The following PLD5 variants were observed in gnomAD, a reference collection of about 807,000 sequenced individuals.
The protein encoded by PLD5 is phospholipase D family member 5, also known as inactive phospholipase D5.
PLD5 carries 36 observed loss-of-function variants against 61.1 expected under a neutral mutation model. The observed-to-expected ratio is 0.59, with a 90% CI of 0.45 to 0.78. The LOEUF (loss-of-function observed/expected upper bound fraction) is 0.78, where lower values mean the gene tolerates loss of function less well. Among genes scored for constraint, PLD5 ranks in the 30% least tolerant of loss-of-function variants. The pLI, the probability that PLD5 is intolerant of heterozygous loss-of-function variation, is 0.00. For synonymous variants in PLD5, 243 were observed against 242.8 expected (o/e 1.00, Z -0.01); for missense variants, 515 against 644.4 (o/e 0.80, Z 2.17).
chr1:242,478,582 G>T (rs1460799345), intron 1 of PLD5, among the ~76,000 whole-genome samples: 2 of 152,082 alleles, frequency 1.3e-5, no homozygotes, highest in Admixed American at 1.3e-4. Context: ...GTCTTGAAAA[G>T]GTTCAAGCTT....
upstream of PLD5, among the ~76,000 whole-genome samples, chr1:242,526,130 G>T (rs913410970): frequency 6.6e-6 from 1 of 152,196 alleles, no homozygotes; most frequent in Non-Finnish European, 1.5e-5. Context: ...AGGCCAGGCG[G>T]AGTGGCTCAG....
chr1:242,159,532 G>GTGTT (rs1665658316), intron 5 of PLD5, among the ~76,000 whole-genome samples: 1 of 152,152 alleles, frequency 6.6e-6, no homozygotes, highest in African/African-American at 2.4e-5. Flanking sequence ...GGCAGCCACT[G>GTGTT]TGTTTATGGT....
At chr1:242,281,398 A>C (rs940141818) in intron 3 of PLD5, among the ~76,000 whole-genome samples, 2 of 152,146 alleles carry the variant, frequency 1.3e-5, no homozygotes, top group African/African-American at 4.8e-5. Context: ...GAATGTTGCC[A>C]GGTCATATGG....
intron 6 of PLD5, among the ~76,000 whole-genome samples, chr1:242,116,709 C>T (rs1661973045): frequency 6.6e-6 from 1 of 152,174 alleles, no homozygotes; most frequent in African/African-American, 2.4e-5. Flanking sequence ...ATAATGGCCC[C>T]TAGCTGCACC....
chr1:242,163,325 A>G (rs759605989), intron 5 of PLD5, among the ~76,000 whole-genome samples: 3 of 151,514 alleles, frequency 2.0e-5, no homozygotes, highest in Non-Finnish European at 4.4e-5. Context: ...TTGTATTTTT[A>G]GCACAGACGG....
At chr1:242,483,500 A>T (rs1667854756) in intron 1 of PLD5, among the ~76,000 whole-genome samples, 1 of 152,236 alleles carries the variant, frequency 6.6e-6, no homozygotes, top group South Asian at 2.1e-4. Flanking sequence ...ATTCAACAAG[A>T]AGAGCTAACT....
intron 1 of PLD5, among the ~76,000 whole-genome samples, chr1:242,522,917 A>C (rs1669324684): frequency 6.6e-6 from 1 of 152,168 alleles, no homozygotes; most frequent in Non-Finnish European, 1.5e-5. Flanking sequence ...CAGTGACTTC[A>C]TCAGGCCCTC....
intron 5 of PLD5, among the ~76,000 whole-genome samples, chr1:242,171,854 AAT>A (rs1306507527): frequency 6.6e-6 from 1 of 152,202 alleles, no homozygotes; most frequent in African/African-American, 2.4e-5. Context: ...TATCATCATA[AAT>A]ATATATGCAC....
intron 1 of PLD5, among the ~76,000 whole-genome samples, chr1:242,494,091 T>TTCCCCTCCCCTCCCCTCTCC (rs1668277082): frequency 4.8e-5 from 3 of 62,310 alleles, no homozygotes; most frequent in African/African-American, 1.4e-4. Flanking sequence ...CTGCCCTCCC[T>TTCCCCTCCCCTCCCCTCTCC]TCCCCTCTCC....
chr1:242,318,646 TTTTGA>T (rs559363184), intron 2 of PLD5, among the ~76,000 whole-genome samples: 2 of 149,982 alleles, frequency 1.3e-5, no homozygotes, highest in South Asian at 2.1e-4. Flanking sequence ...TTTTTGGGGC[TTTTGA>T]TTTTTTAATT....
At chr1:242,241,970 A>G (rs1169808653) in intron 4 of PLD5, among the ~76,000 whole-genome samples, 1 of 111,866 alleles carries the variant, frequency 8.9e-6, no homozygotes, top group African/African-American at 3.5e-5. Context: ...TGCTTACTTA[A>G]ATATATACTA....
At chr1:242,150,921 T>A (rs987841796) in intron 5 of PLD5, among the ~76,000 whole-genome samples, 5 of 151,858 alleles carry the variant, frequency 3.3e-5, no homozygotes, top group African/African-American at 1.2e-4. Context: ...TTGTTCATTA[T>A]TCCATTTCTG....
At chr1:242,189,652 C>T (rs1415306564) in intron 5 of PLD5, among the ~76,000 whole-genome samples, 1 of 152,146 alleles carries the variant, frequency 6.6e-6, no homozygotes, top group African/African-American at 2.4e-5. Flanking sequence ...TAAACAACTG[C>T]ATCAGCTAAC....
At chr1:242,147,095 AACC>A (rs1664594251) in intron 5 of PLD5, among the ~76,000 whole-genome samples, 1 of 152,216 alleles carries the variant, frequency 6.6e-6, no homozygotes, top group South Asian at 2.1e-4. Flanking sequence ...ACAGTTATGT[AACC>A]ACCACCACAA....
At chr1:242,250,906 A>T (rs552465646) in intron 4 of PLD5, among the ~76,000 whole-genome samples, 2 of 152,278 alleles carry the variant, frequency 1.3e-5, no homozygotes, top group East Asian at 1.9e-4. Context: ...CTATTTCCAG[A>T]AATGTTAAGA....
chr1:242,112,248 C>T (rs1056023204), intron 7 of PLD5, among the ~76,000 whole-genome samples: 4 of 148,590 alleles, frequency 2.7e-5, no homozygotes, highest in South Asian at 2.1e-4. Flanking sequence ...TGGAAGTGTG[C>T]GGTGAAAAAA....
chr1:242,281,374 T>C (rs1228650018), intron 3 of PLD5, among the ~76,000 whole-genome samples: 2 of 152,076 alleles, frequency 1.3e-5, no homozygotes, highest in East Asian at 3.9e-4. Flanking sequence ...TGAATCACAA[T>C]GGCAGGGTCA....
In PLD5 at chr1:242,161,750, C is replaced by T. The variant is rs760486946; in HGVS notation, c.736-37085G>A. Among the ~76,000 whole-genome samples the T allele has an allele frequency of 1.8e-4, 26 of 144,356 alleles. 1 individual carries two copies. Among genetic ancestry groups the T allele is most frequent in the African/African-American group, 3.9e-4 (15 of 38,828 alleles). The allele number at this position is 144,356 out of a possible 152,430, so 94.7% of individuals were successfully genotyped here. A position where few individuals can be genotyped will look rare whatever the true frequency, so the allele number is the denominator to read the frequency against. On this transcript the variant is annotated intron_variant, in intron 5 of 9. Transcript: ENST00000536534. ...GAAGATCTCGTCCAGAAGTAATATA[C>T]GTCAAGAAAGAAGAGATTATAAATG... is the stretch of plus-strand genomic sequence containing the variant.
At chr1:242,143,973 G>A (rs115331097) in intron 5 of PLD5, among the ~76,000 whole-genome samples, 1,706 of 149,930 alleles carry the variant, frequency 0.011, 37 homozygotes, top group African/African-American at 0.039. Flanking sequence ...CTCAAGTAGC[G>A]ATTCTCATGC....
Sources: gnomAD v4.1 joint callset for allele counts (sites outside exome capture counted in the v4.1 genomes callset) on GRCh38, gnomAD v4.1.1 for gene constraint, MANE v1.5 for transcripts, NCBI Gene and HGNC (gene_info 2026-07-23, HGNC 2026-07-21) for gene names.